ZBTB8A: variants seen among roughly 807,000 people sequenced by gnomAD.
ZBTB8A encodes zinc finger and BTB domain-containing protein 8A.
Under a neutral mutation model 37.8 loss-of-function variants are expected in ZBTB8A, and 19 were observed. The ratio of observed to expected loss-of-function variants is 0.50; its 90% CI spans 0.35 to 0.74. The LOEUF (loss-of-function observed/expected upper bound fraction) is 0.74. ZBTB8A is among the 30% of genes least tolerant of loss of function. The pLI is 0.01. For synonymous variants in ZBTB8A, 181 were observed against 185.2 expected, an observed-to-expected ratio of 0.98 and a Z score of 0.19; for missense variants, 394 against 537.8, an observed-to-expected ratio of 0.73 and a Z score of 2.65.
intron 2 of ZBTB8A, among the ~76,000 whole-genome samples, chr1:32,556,112 C>G (rs1034865785): frequency 6.6e-6 from 1 of 151,238 alleles, no homozygotes; most frequent in Non-Finnish European, 1.5e-5. Context: ...CTCACTCTGT[C>G]CCCCAGGCTG....
chr1:32,590,402 C>T (rs546681467), intron 2 of ZBTB8A, among the ~76,000 whole-genome samples: 5 of 152,060 alleles, frequency 3.3e-5, no homozygotes, highest in African/African-American at 7.3e-5. Flanking sequence ...CTTGGACATA[C>T]GGTCAGAATT....
At chr1:32,589,493 C>T (rs190021805) in intron 2 of ZBTB8A, among the ~76,000 whole-genome samples, 6 of 151,856 alleles carry the variant, frequency 4.0e-5, no homozygotes, top group African/African-American at 7.3e-5. Flanking sequence ...TCAGGTGATC[C>T]GCCTGCCTCA....
At position 32,593,786 on chromosome 1, in the gene ZBTB8A, A is replaced by G. The variant is rs754025116; in HGVS notation, c.823+32A>G. On this transcript the variant is annotated intron_variant, in intron 3 of 4. Coordinates refer to ENST00000373510, the MANE Select transcript of ZBTB8A (RefSeq NM_001040441.3). Reference sequence around the variant, plus strand: ...AAAAAGAGCATAAGTCCCCTCATCCAGGTTCCAAACTGCTATATTAATCAG... The same window carrying G: ...AAAAAGAGCATAAGTCCCCTCATCCGGGTTCCAAACTGCTATATTAATCAG... 1.9e-6 allele frequency: 3 copies of G among 1,554,418 alleles called. No homozygotes were observed. The South Asian group carries it at 3.6e-5, about 19-fold the overall frequency.
At chr1:32,587,638 T>C (rs1292631399) in intron 2 of ZBTB8A, among the ~76,000 whole-genome samples, 1 of 152,038 alleles carries the variant, frequency 6.6e-6, no homozygotes, top group African/African-American at 2.4e-5. Context: ...TAAATAATTT[T>C]TTAAAAAAGA....
At position 32,601,703 on chromosome 1, in the gene ZBTB8A, G is replaced by A; in HGVS notation, c.*1284G>A. 1 of 398,520 alleles carries A rather than the reference G, an allele frequency of 2.5e-6. No individual in the cohort carries two copies. Among genetic ancestry groups the A allele is most frequent in the Non-Finnish European group, 4.4e-6 (1 of 226,038 alleles). 24.7% of individuals were successfully genotyped at this position (398,520 alleles called of 1,614,324 possible). A position where few individuals can be genotyped will look rare whatever the true frequency, so the allele number is the denominator to read the frequency against. Reference sequence around the variant, plus strand: ...AATCCTCTTTCAGCCTTCTCTCCCTGTATGTCTCCTGAAATGGCAAAGAAT... The same window carrying A: ...AATCCTCTTTCAGCCTTCTCTCCCTATATGTCTCCTGAAATGGCAAAGAAT... On this transcript the variant is annotated 3_prime_UTR_variant, in exon 5 of 5. Transcript: ENST00000373510.
intron 2 of ZBTB8A, among the ~76,000 whole-genome samples, chr1:32,572,819 T>G (rs563890256): frequency 1.3e-5 from 2 of 152,216 alleles, no homozygotes; most frequent in Non-Finnish European, 2.9e-5. Context: ...TTGTAAAATC[T>G]GTAGTGATGC....
chr1:32,544,814 G>T (rs1459591300), intron 1 of ZBTB8A, among the ~76,000 whole-genome samples: 1 of 152,170 alleles, frequency 6.6e-6, no homozygotes, highest in Non-Finnish European at 1.5e-5. Flanking sequence ...GTTATGCGGC[G>T]CGTGACCATA....
chr1:32,583,061 C>T (rs1275957260), intron 2 of ZBTB8A, among the ~76,000 whole-genome samples: 1 of 151,942 alleles, frequency 6.6e-6, no homozygotes, highest in Non-Finnish European at 1.5e-5. Context: ...TCATAGAGTA[C>T]TGAGTAGAAG....
intron 2 of ZBTB8A, among the ~76,000 whole-genome samples, chr1:32,575,224 T>TG: frequency 6.8e-6 from 1 of 146,970 alleles, no homozygotes; most frequent in African/African-American, 2.5e-5. Context: ...TTCTTTTCTT[T>TG]CCTTTTTTTT....
intron 2 of ZBTB8A, among the ~76,000 whole-genome samples, chr1:32,576,168 A>G (rs1438606620): frequency 1.3e-5 from 2 of 152,204 alleles, no homozygotes; most frequent in Non-Finnish European, 2.9e-5. Flanking sequence ...AAATGTCTAC[A>G]TAAATATGAC....
intron 2 of ZBTB8A, among the ~76,000 whole-genome samples, chr1:32,571,003 G>A (rs1024638989): frequency 1.3e-5 from 2 of 151,820 alleles, no homozygotes; most frequent in Admixed American, 1.3e-4. Flanking sequence ...AGCCTCCTGC[G>A]TAGCTGGGAT....
intron 2 of ZBTB8A, among the ~76,000 whole-genome samples, chr1:32,571,277 T>C (rs1013818053): frequency 3.9e-5 from 6 of 152,350 alleles, no homozygotes; most frequent in Non-Finnish European, 7.3e-5. Flanking sequence ...CCCTATTCCC[T>C]GCCTTAGGGG....
rs988187055 is a variant in ZBTB8A at position 32,600,916 on chromosome 1, T to G, written c.*497T>G. 2.6e-5 allele frequency: 4 copies of G among 154,300 alleles called. No individual in the cohort carries two copies. The highest frequency in any genetic ancestry group is 9.6e-5 in the African/African-American group (4 of 41,454). The allele number at this position is 154,300 out of a possible 1,614,324, so 9.6% of individuals were successfully genotyped here. A position where few individuals can be genotyped will look rare whatever the true frequency, so the allele number is the denominator to read the frequency against. ...CTTACTAAACAAATTAGTCTTTCTATTAATTTGAGATCTGAAACAACCTGT... is the reference window on the plus strand; with the variant it reads ...CTTACTAAACAAATTAGTCTTTCTAGTAATTTGAGATCTGAAACAACCTGT... On this transcript the variant is annotated 3_prime_UTR_variant, in exon 5 of 5. Transcript: ENST00000373510.
intron 3 of ZBTB8A, among the ~76,000 whole-genome samples, chr1:32,594,588 A>G (rs1394299417): frequency 1.3e-5 from 2 of 152,032 alleles, no homozygotes; most frequent in Non-Finnish European, 2.9e-5. Flanking sequence ...TGGTGAAACC[A>G]TGTCTCTACG....
chr1:32,593,801 A>C lies in ZBTB8A; in HGVS notation c.823+47A>C, dbSNP rs758871398. 2.8e-6 allele frequency: 4 copies of C among 1,440,082 alleles called. No individual in the cohort carries two copies. The East Asian group carries it at 9.1e-5, about 33-fold the overall frequency. The allele number at this position is 1,440,082 out of a possible 1,614,324, so 89.2% of individuals were successfully genotyped here. On this transcript the variant is annotated intron_variant, in intron 3 of 4. Transcript: ENST00000373510. The stretch of plus-strand genomic sequence containing the variant: ...CCCCTCATCCAGGTTCCAAACTGCT[A>C]TATTAATCAGTCTACTGTCAAAACA...
intron 2 of ZBTB8A, among the ~76,000 whole-genome samples, chr1:32,557,083 C>G (rs1475945037): frequency 1.3e-5 from 2 of 152,102 alleles, no homozygotes; most frequent in African/African-American, 4.8e-5. Context: ...AGGTGGATCA[C>G]TTGAGGTCAG....
At chr1:32,549,933 A>G (rs1421155913) in intron 1 of ZBTB8A, among the ~76,000 whole-genome samples, 1 of 152,230 alleles carries the variant, frequency 6.6e-6, no homozygotes, top group African/African-American at 2.4e-5. Context: ...CAGAAGAAAG[A>G]TGGTTCCCAC....
chr1:32,551,155 T>C (rs12406920), intron 1 of ZBTB8A, among the ~76,000 whole-genome samples: 34,270 of 152,052 alleles, frequency 0.23, 4,278 homozygotes, highest in East Asian at 0.5. Context: ...TCAAAAATTA[T>C]TAATTTTGGG....
chr1:32,548,999 T>C (rs1312953771), intron 1 of ZBTB8A, among the ~76,000 whole-genome samples: 1 of 151,368 alleles, frequency 6.6e-6, no homozygotes, highest in Non-Finnish European at 1.5e-5. Context: ...GAGACCAGCC[T>C]AGCCAATATG....
Sources: gnomAD v4.1 joint callset for allele counts (sites outside exome capture counted in the v4.1 genomes callset) on GRCh38, gnomAD v4.1.1 for gene constraint, MANE v1.5 for transcripts, NCBI Gene and HGNC (gene_info 2026-07-23, HGNC 2026-07-21) for gene names.